Variants in FRY observed in about 807,000 individuals in gnomAD.
The protein encoded by FRY is FRY microtubule binding protein, also known as protein furry homolog.
Under a neutral mutation model 348.4 loss-of-function variants are expected in FRY, and 128 were observed. That is an observed-to-expected ratio of 0.37 (90% CI 0.32 to 0.43). FRY has a LOEUF of 0.43. Among genes scored for constraint, FRY ranks in the 20% least tolerant of loss-of-function variants. FRY has a pLI of 1.00. For synonymous variants in FRY, 1,370 were observed against 1,374.7 expected (o/e 1.00, Z 0.08); for missense variants, 2,736 against 3,695.2 (o/e 0.74, Z 6.73).
chr13:32,251,300 T>G (rs2138508950), intron 49 of FRY, among the ~76,000 whole-genome samples: 1 of 152,294 alleles, frequency 6.6e-6, no homozygotes, highest in Middle Eastern at 3.4e-3. Flanking sequence ...CTGTTTAACT[T>G]TAGGAAGAAG....
At chr13:32,285,113 C>T (rs894176454) in intron 58 of FRY, among the ~76,000 whole-genome samples, 5 of 152,216 alleles carry the variant, frequency 3.3e-5, no homozygotes, top group South Asian at 2.1e-4. Flanking sequence ...AGAAAATCCT[C>T]GTGACTAAAT....
intron 1 of FRY, among the ~76,000 whole-genome samples, chr13:32,066,831 A>G (rs1248032876): frequency 6.6e-6 from 1 of 152,222 alleles, no homozygotes. Context: ...CTTAGTTCTA[A>G]TGCTAATAAG....
Position 32,178,364 on chromosome 13 carries a change from C to G in FRY, c.2609C>G (p.Pro870Arg). The change falls in exon 21 of 61, where the codon CCC becomes CGC. Residue 870 changes from proline (P) to arginine (R), a missense_variant. Physicochemically the swap from Pro to Arg is moderately radical, Grantham distance 103. Coordinates refer to ENST00000542859, the MANE Select transcript of FRY (RefSeq NM_023037.3). ...CAGGAGAACTTACCCAAGCACTGCC[C>G]CACAGCCCTCAGCTATGCCTGGCCT... ...LRQENLPKHC[P>R]TALSYAWPYA... The G allele has an allele frequency of 6.2e-7, 1 of 1,614,168 alleles. No individual in the cohort carries two copies. Among genetic ancestry groups the G allele is most frequent in the Non-Finnish European group, 8.5e-7 (1 of 1,179,988 alleles).
chr13:32,262,608 T>A (rs1344207773), intron 53 of FRY, 133 bp downstream of exon 53: 2 of 745,708 alleles, frequency 2.7e-6, no homozygotes, highest in East Asian at 2.7e-5. Flanking sequence ...CTCTCTTTTT[T>A]AAAATAATAG....
chr13:32,225,167 A>G, intron 38 of FRY, 131 bp downstream of exon 38: 1 of 710,046 alleles, frequency 1.4e-6, no homozygotes, highest in East Asian at 2.7e-5. Flanking sequence ...ACCATTTTTC[A>G]TTGCCCTTTT....
rs1045967727 is a variant in FRY at position 32,147,476 on chromosome 13, A to G, written c.1283+91A>G. 5.9e-5 allele frequency: 45 copies of G among 760,128 alleles called. No individual in the cohort carries two copies. In the African/African-American group the frequency reaches 7.8e-4, roughly 13 times the overall value. The allele number at this position is 760,128 out of a possible 1,614,324, so 47.1% of individuals were successfully genotyped here. ...TACTACCTATGCTAACTCAACTAGA[A>G]GCTATTCAAAGCTGACAGTTTCTAA... On this transcript the variant is annotated intron_variant, in intron 12 of 60. Coordinates refer to ENST00000542859, the MANE Select transcript of FRY (RefSeq NM_023037.3).
At chr13:32,292,609 T>C (rs951793611) in intron 59 of FRY, among the ~76,000 whole-genome samples, 13 of 151,560 alleles carry the variant, frequency 8.6e-5, no homozygotes, top group South Asian at 4.2e-4. Context: ...TTGGCCAACA[T>C]GGTGAAACCC....
intron 57 of FRY, among the ~76,000 whole-genome samples, chr13:32,277,088 T>A (rs986268520): frequency 6.6e-6 from 1 of 152,224 alleles, no homozygotes; most frequent in African/African-American, 2.4e-5. Context: ...GCCACCTGTT[T>A]TCTGACAGAT....
rs1008526474 is a variant in FRY, at chr13:32,049,414, A to C, written c.70+17549A>C. Among the ~76,000 whole-genome samples, 15 of 150,870 alleles carry C rather than the reference A, an allele frequency of 9.9e-5. No homozygotes were observed. The Admixed American group carries it at 1.0e-3, about 10-fold the overall frequency. On this transcript the variant is annotated intron_variant, in intron 1 of 60. Coordinates refer to ENST00000542859, the MANE Select transcript of FRY (RefSeq NM_023037.3). The stretch of plus-strand genomic sequence containing the variant: ...GCCGAAAGGTCTGGTCTTATTCTGA[A>C]AACAGTGGGCAACCCCATAGGTTTT...
At chr13:32,119,031 A>C (rs1878482079) in intron 4 of FRY, among the ~76,000 whole-genome samples, 1 of 152,188 alleles carries the variant, frequency 6.6e-6, no homozygotes. Context: ...TTATGGATTA[A>C]AAATTATAGT....
At chr13:32,206,370 A>G (rs1884349797) in intron 31 of FRY, among the ~76,000 whole-genome samples, 1 of 152,234 alleles carries the variant, frequency 6.6e-6, no homozygotes, top group Non-Finnish European at 1.5e-5. Flanking sequence ...CCTCCGATGC[A>G]GTAGAGAGAT....
At chr13:32,135,300 C>T in intron 10 of FRY, 117 bp downstream of exon 10, 1 of 707,242 alleles carries the variant, frequency 1.4e-6, no homozygotes, top group South Asian at 1.6e-5. Context: ...ACCTAAAGCT[C>T]CCTCAAAAAG....
At chr13:32,164,311 C>A (rs1240371516) in intron 17 of FRY, among the ~76,000 whole-genome samples, 1 of 152,204 alleles carries the variant, frequency 6.6e-6, no homozygotes, top group Non-Finnish European at 1.5e-5. Context: ...TTCACAGTCT[C>A]ATCCGTGGTA....
intron 25 of FRY, 79 bp from the exon 26 acceptor site, chr13:32,184,897 G>A: frequency 8.0e-7 from 1 of 1,254,590 alleles, no homozygotes; most frequent in Non-Finnish European, 1.2e-6. Context: ...TTGTGACAGT[G>A]AATCTTAGTT....
intron 1 of FRY, among the ~76,000 whole-genome samples, chr13:32,072,846 G>A (rs1464410806): frequency 1.3e-5 from 2 of 152,080 alleles, no homozygotes. Flanking sequence ...ATTGAGAACT[G>A]GCAGAAAGAA....
rs141847281 is a variant in FRY at position 32,241,807 on chromosome 13, T to C, written c.6687+1926T>C. Among the ~76,000 whole-genome samples, 639 of 152,388 alleles carry C rather than the reference T, an allele frequency of 4.2e-3. 5 individuals are homozygous for C. The highest frequency in any genetic ancestry group is 0.03 in the South Asian group (143 of 4,834). Reference sequence around the variant, plus strand: ...AAAAAATTGGTTATCTAATTTGTTCTGTTCAGCCCTTATCACAAAATTGTC... The same window carrying C: ...AAAAAATTGGTTATCTAATTTGTTCCGTTCAGCCCTTATCACAAAATTGTC... On this transcript the variant is annotated intron_variant, in intron 46 of 60. Coordinates refer to ENST00000542859, the MANE Select transcript of FRY (RefSeq NM_023037.3).
intron 1 of FRY, chr13:32,061,048 G>T: frequency 1.9e-6 from 1 of 522,900 alleles, no homozygotes; most frequent in South Asian, 1.4e-5. Flanking sequence ...TTTGGCTTTG[G>T]AACATGGTCT....
intron 1 of FRY, among the ~76,000 whole-genome samples, chr13:32,033,293 G>GTT (rs1220740420): frequency 6.6e-6 from 1 of 152,114 alleles, no homozygotes; most frequent in Non-Finnish European, 1.5e-5. Context: ...GACATACAGT[G>GTT]TTCTTTATGG....
intron 1 of FRY, among the ~76,000 whole-genome samples, chr13:32,039,966 A>G (rs1872687956): frequency 6.6e-6 from 1 of 152,256 alleles, no homozygotes; most frequent in Non-Finnish European, 1.5e-5. Flanking sequence ...TAGCAGTGGA[A>G]GACAGCTTTG....
Sources: gnomAD v4.1 joint callset for allele counts (sites outside exome capture counted in the v4.1 genomes callset) on GRCh38, gnomAD v4.1.1 for gene constraint, MANE v1.5 for transcripts, NCBI Gene and HGNC (gene_info 2026-07-23, HGNC 2026-07-21) for gene names.